The following PLA2G4C variants were observed in gnomAD, a reference collection of about 807,000 sequenced individuals.
The protein encoded by PLA2G4C is phospholipase A2 group IVC, also known as cytosolic phospholipase A2 gamma.
A neutral mutation model predicts 73.8 loss-of-function variants in PLA2G4C; 64 were observed. The ratio of observed to expected loss-of-function variants is 0.87; its 90% CI spans 0.71 to 1.07. The LOEUF is 1.07. Ranked by LOEUF, PLA2G4C falls within the 50% of genes least tolerant of loss-of-function variation. The pLI, the probability that PLA2G4C is intolerant of heterozygous loss-of-function variation, is 0.00. For missense variants in PLA2G4C, 622 were observed against 665.4 expected (o/e 0.93, Z 0.72); for synonymous variants, 254 against 252.1 (o/e 1.01, Z -0.07).
Position 48,101,124 on chromosome 19 carries a change from A to T in PLA2G4C, c.258-1264T>A, listed in dbSNP as rs1245890042. Among the ~76,000 whole-genome samples, 188 of 59,424 alleles carry T rather than the reference A, an allele frequency of 3.2e-3. 2 individuals carry two copies. Among genetic ancestry groups the T allele is most frequent in the African/African-American group, 0.016 (159 of 9,968 alleles). 39.0% of individuals were successfully genotyped at this position (59,424 alleles called of 152,430 possible). ...AGAGTCTATATATATATATATATAT[A>T]TATTTTTTTTTTTTTTTTTGAGACA... On this transcript the variant is annotated intron_variant, in intron 4 of 16. Coordinates refer to ENST00000599921, the MANE Select transcript of PLA2G4C (RefSeq NM_003706.3).
chr19:48,049,577 C>T (rs749016750), intron 16 of PLA2G4C, among the ~76,000 whole-genome samples: 8 of 152,096 alleles, frequency 5.3e-5, no homozygotes, highest in Admixed American at 1.3e-4. Context: ...AGGACCTGGG[C>T]GGACTGGATC....
At chr19:48,101,216 C>A (rs6509359) in intron 4 of PLA2G4C, among the ~76,000 whole-genome samples, 2 of 149,298 alleles carry the variant, frequency 1.3e-5, no homozygotes, top group East Asian at 2.0e-4. Flanking sequence ...TCTCAAACCC[C>A]CAGGCTCAAA....
chr19:48,077,313 C>A (rs970456951), intron 11 of PLA2G4C, among the ~76,000 whole-genome samples: 14 of 151,948 alleles, frequency 9.2e-5, no homozygotes, highest in African/African-American at 3.1e-4. Flanking sequence ...AGCTGAGATT[C>A]AAATCAAGAA....
chr19:48,095,381 G>T, intron 7 of PLA2G4C, 83 bp downstream of exon 7: 3 of 1,335,354 alleles, frequency 2.2e-6, no homozygotes, highest in Non-Finnish European at 3.2e-6. Flanking sequence ...TAAGAGCTGG[G>T]CAAACTAGAC....
chr19:48,083,255 C>T (rs1008679682), intron 10 of PLA2G4C, among the ~76,000 whole-genome samples: 21 of 151,974 alleles, frequency 1.4e-4, no homozygotes, highest in African/African-American at 4.8e-4. Flanking sequence ...GTACATAGTC[C>T]CAATCTTGTA....
At chr19:48,103,274 A>G (rs385203) in intron 4 of PLA2G4C, 49,067 of 152,060 alleles carry the variant, frequency 0.32, 11,696 homozygotes, top group African/African-American at 0.68. Flanking sequence ...TGTGCAGTAC[A>G]GCTAAACCCC....
At chr19:48,087,688 A>G (rs407285) in intron 9 of PLA2G4C, among the ~76,000 whole-genome samples, 14,122 of 152,030 alleles carry the variant, frequency 0.093, 1,396 homozygotes, top group African/African-American at 0.25. Flanking sequence ...TAATCCCAGC[A>G]CTTTGGGAGG....
intron 4 of PLA2G4C, among the ~76,000 whole-genome samples, chr19:48,100,334 T>C (rs1355353138): frequency 2.0e-5 from 3 of 151,896 alleles, no homozygotes; most frequent in African/African-American, 7.3e-5. Flanking sequence ...CTGGCCAACA[T>C]GGTGAAACCC....
rs73569738 is a variant in PLA2G4C at position 48,060,573 on chromosome 19, G to A, written c.1257+1425C>T. Among the ~76,000 whole-genome samples the A allele has an allele frequency of 6.3e-3, 955 of 152,328 alleles. 20 individuals carry two copies. Among genetic ancestry groups the A allele is most frequent in the African/African-American group, 0.021 (883 of 41,576 alleles). ...GCAGATCTCCTGCGAGCCAGATGAT[G>A]TGATTCCCATTTTCAGGATGAGAAA... is the stretch of plus-strand genomic sequence containing the variant. On this transcript the variant is annotated intron_variant, in intron 14 of 16. Transcript: ENST00000599921.
rs932624941 is a variant in PLA2G4C at position 48,104,592 on chromosome 19, T to G, written c.253A>C (p.Thr85Pro). Residue 85 changes from threonine to proline, a missense_variant, in exon 4 of 17, where the codon ACT (threonine) becomes CCT (proline). Thr to Pro is a conservative substitution (Grantham distance 38). Coordinates refer to ENST00000599921, the MANE Select transcript of PLA2G4C (RefSeq NM_003706.3). ...TGAAACATGAGTGATGCTTACCAAG[T>G]GGATCCAGAGACCCCTGCGAGGTAC... ...VTYLAGVSGS[T>P]WAISSLYTND... The G allele has an allele frequency of 6.8e-6, 11 of 1,613,886 alleles. No homozygotes were observed. The East Asian group carries it at 2.5e-4, about 36-fold the overall frequency.
intron 14 of PLA2G4C, among the ~76,000 whole-genome samples, chr19:48,056,832 CAAAAAAA>C (rs34317694): frequency 2.4e-5 from 2 of 83,808 alleles, no homozygotes; most frequent in African/African-American, 5.0e-5. Flanking sequence ...GACTCTGTCT[CAAAAAAA>C]AAAAAAAAAA....
chr19:48,103,235 TCTCAATAGCGCCCC>T (rs2032005376), intron 4 of PLA2G4C, among the ~76,000 whole-genome samples: 2 of 151,964 alleles, frequency 1.3e-5, no homozygotes, highest in African/African-American at 4.8e-5. Context: ...GGGGTTCCTA[TCTCAATAGCGCCCC>T]CTGGAGTTCT....
intron 13 of PLA2G4C, 116 bp downstream of exon 13, chr19:48,067,675 C>T (rs964379203): frequency 5.3e-6 from 4 of 756,816 alleles, no homozygotes; most frequent in African/African-American, 5.2e-5. Context: ...CACCACCCCC[C>T]TCCAAAGCTC....
chr19:48,052,297 T>A (rs925643968), intron 16 of PLA2G4C: 1 of 152,210 alleles, frequency 6.6e-6, no homozygotes, highest in African/African-American at 2.4e-5. Flanking sequence ...AAATTGTAAT[T>A]CCCATGTGTT....
chr19:48,104,309 A>C (rs1206342098), intron 4 of PLA2G4C: 1 of 359,072 alleles, frequency 2.8e-6, no homozygotes, highest in Non-Finnish European at 5.1e-6. Flanking sequence ...GGGAAACCCC[A>C]AACTATTGCC....
chr19:48,092,922 T>C lies in PLA2G4C; in HGVS notation c.710-2505A>G, dbSNP rs180743021. 1.3e-4 allele frequency among the ~76,000 whole-genome samples: 20 copies of C among 152,332 alleles called. No individual in the cohort carries two copies. The East Asian group carries it at 3.9e-3, about 29-fold the overall frequency. Reference sequence around the variant, plus strand: ...ATGGTTAAAATGGCAAATTTTATGTTATGTTTATTTTATAATAATAAATAA... The same window carrying C: ...ATGGTTAAAATGGCAAATTTTATGTCATGTTTATTTTATAATAATAAATAA... On this transcript the variant is annotated intron_variant, in intron 7 of 16. Transcript: ENST00000599921.
chr19:48,109,374 C>A (rs926192339), intron 1 of PLA2G4C, among the ~76,000 whole-genome samples: 1 of 151,908 alleles, frequency 6.6e-6, no homozygotes, highest in Non-Finnish European at 1.5e-5. Context: ...TGGGCTCAAG[C>A]GAGCCTCTCA....
chr19:48,065,854 G>A (rs139772890), intron 13 of PLA2G4C, among the ~76,000 whole-genome samples: 2 of 152,146 alleles, frequency 1.3e-5, no homozygotes, highest in East Asian at 3.9e-4. Flanking sequence ...CCAACACTTT[G>A]GGAGGCCAAG....
chr19:48,055,456 T>G (rs1967906296), intron 14 of PLA2G4C, among the ~76,000 whole-genome samples: 1 of 149,346 alleles, frequency 6.7e-6, no homozygotes, highest in South Asian at 2.1e-4. Flanking sequence ...CCCTAGCTAC[T>G]CAGGAAGCTG....
Sources: gnomAD v4.1 joint callset for allele counts (sites outside exome capture counted in the v4.1 genomes callset) on GRCh38, gnomAD v4.1.1 for gene constraint, MANE v1.5 for transcripts, NCBI Gene and HGNC (gene_info 2026-07-23, HGNC 2026-07-21) for gene names.